The following ST3GAL3 variants were observed in gnomAD, a reference collection of about 807,000 sequenced individuals.
The protein encoded by ST3GAL3 is CMP-N-acetylneuraminate-beta-1,4-galactoside alpha-2,3-sialyltransferase.
Under a neutral mutation model 50.1 loss-of-function variants are expected in ST3GAL3, and 21 were observed. That is an observed-to-expected ratio of 0.42 (90% confidence interval 0.30 to 0.60). ST3GAL3 has a LOEUF of 0.60. Among genes scored for constraint, ST3GAL3 ranks in the 20% least tolerant of loss-of-function variants. The pLI, the probability that ST3GAL3 is intolerant of heterozygous loss-of-function variation, is 0.19. For synonymous variants in ST3GAL3, 183 were observed against 190.0 expected, an observed-to-expected ratio of 0.96 and a Z score of 0.30; for missense variants, 353 against 489.4, an observed-to-expected ratio of 0.72 and a Z score of 2.63.
chr1:43,722,213 C>T (rs1043235230), intron 1 of ST3GAL3, among the ~76,000 whole-genome samples: 41 of 152,058 alleles, frequency 2.7e-4, no homozygotes, highest in Non-Finnish European at 3.2e-4. Context: ...TAAGAGTTGG[C>T]TAGATGAAGT....
At chr1:43,859,803 G>C (rs187613759) in intron 5 of ST3GAL3, among the ~76,000 whole-genome samples, 1 of 152,298 alleles carries the variant, frequency 6.6e-6, no homozygotes, top group Non-Finnish European at 1.5e-5. Flanking sequence ...CACTGGCCTT[G>C]CTCCCATGTG....
At chr1:43,738,211 G>C (rs998016210) in intron 2 of ST3GAL3, 2 of 152,212 alleles carry the variant, frequency 1.3e-5, no homozygotes, top group African/African-American at 4.8e-5. Context: ...AAAGAAGACA[G>C]AGAGGCTTAT....
intron 5 of ST3GAL3, among the ~76,000 whole-genome samples, chr1:43,874,520 T>C (rs1000040100): frequency 3.3e-5 from 5 of 152,226 alleles, no homozygotes; most frequent in African/African-American, 9.6e-5. Flanking sequence ...TTTTAAAACC[T>C]TAAAAAAGAA....
chr1:43,759,065 G>GCGCACACACACACACACACA lies in ST3GAL3; in HGVS notation c.118+22686_118+22687insGCACACACACACACACACAC, dbSNP rs60386464. On this transcript the variant is annotated intron_variant, in intron 2 of 11. Transcript: ENST00000347631. Reference sequence around the variant, plus strand: ...TCCTAAAAAACAAACAAAAGCGCGCGCACACACACACACACACACACACAC... The same window carrying GCGCACACACACACACACACA: ...TCCTAAAAAACAAACAAAAGCGCGCGCGCACACACACACACACACACACACACACACACACACACACACAC... Among the ~76,000 whole-genome samples, 55 of 75,446 alleles carry GCGCACACACACACACACACA rather than the reference G, an allele frequency of 7.3e-4. 1 individual carries two copies. Among genetic ancestry groups the GCGCACACACACACACACACA allele is most frequent in the African/African-American group, 1.9e-3 (49 of 25,238 alleles). The allele number at this position is 75,446 out of a possible 152,430, so 49.5% of individuals were successfully genotyped here.
chr1:43,807,718 G>C (rs1027276301), intron 3 of ST3GAL3, among the ~76,000 whole-genome samples: 2 of 152,296 alleles, frequency 1.3e-5, no homozygotes, highest in African/African-American at 4.8e-5. Flanking sequence ...ATGGAGAAAA[G>C]TAAGTAGATT....
intron 2 of ST3GAL3, among the ~76,000 whole-genome samples, chr1:43,756,354 T>G (rs1331617477): frequency 6.6e-6 from 1 of 152,108 alleles, no homozygotes; most frequent in African/African-American, 2.4e-5. Context: ...AAAATTTTTT[T>G]GGGATCAGTG....
At position 43,743,854 on chromosome 1, in the gene ST3GAL3, C is replaced by A. The variant is rs113181765; in HGVS notation, c.118+7474C>A. 5.5e-3 allele frequency: 809 copies of A among 147,640 alleles called. 19 individuals carry two copies. The highest frequency in any genetic ancestry group is 0.02 in the African/African-American group (751 of 36,752). The allele number at this position is 147,640 out of a possible 1,614,324, so 9.1% of individuals were successfully genotyped here. Reference sequence around the variant, plus strand: ...CTCTATTCTTTCATTCCCCCCCCCCCCATTCCTATATTACATGTAGAGTAA... The same window carrying A: ...CTCTATTCTTTCATTCCCCCCCCCCACATTCCTATATTACATGTAGAGTAA... On this transcript the variant is annotated intron_variant, in intron 2 of 11. Coordinates refer to ENST00000347631, the MANE Select transcript of ST3GAL3 (RefSeq NM_006279.5).
chr1:43,743,580 A>G, intron 2 of ST3GAL3: 1 of 379,338 alleles, frequency 2.6e-6, no homozygotes, highest in Non-Finnish European at 5.3e-6. Context: ...ATTGTGAATG[A>G]GAGGGTCTGT....
At chr1:43,743,540 A>C in intron 2 of ST3GAL3, 4 of 420,772 alleles carry the variant, frequency 9.5e-6, no homozygotes, top group South Asian at 1.7e-5. Context: ...ATTAAGAGGG[A>C]TACACCATTT....
At chr1:43,844,712 A>G (rs1007043962) in intron 5 of ST3GAL3, among the ~76,000 whole-genome samples, 2 of 152,100 alleles carry the variant, frequency 1.3e-5, no homozygotes, top group Admixed American at 1.3e-4. Context: ...CTGTAGTCCC[A>G]GCTACTCTGG....
intron 5 of ST3GAL3, among the ~76,000 whole-genome samples, chr1:43,875,248 T>C (rs2906456): frequency 0.91 from 137,948 of 152,228 alleles, 62,735 homozygotes; most frequent in African/African-American, 0.97. Flanking sequence ...AGTTTAGCTA[T>C]GACAGCAGGT....
At chr1:43,753,461 A>G (rs1051205032) in intron 2 of ST3GAL3, among the ~76,000 whole-genome samples, 1 of 152,194 alleles carries the variant, frequency 6.6e-6, no homozygotes, top group African/African-American at 2.4e-5. Context: ...AAAGACTTGC[A>G]TTTTTGGATC....
At position 43,894,611 on chromosome 1, in the gene ST3GAL3, A is replaced by C. The variant is rs1570858599; in HGVS notation, c.397+134A>C. ...CCTCTACTCTCAACAAATCTTCTCT[A>C]CCTTTTTCCCTTCCTTTTTTTGTTT... On this transcript the variant is annotated intron_variant, in intron 6 of 11. Transcript: ENST00000347631. The C allele has an allele frequency of 1.0e-5, 8 of 794,412 alleles. No individual in the cohort carries two copies. In the Admixed American group the frequency reaches 1.1e-4, roughly 11 times the overall value. 49.2% of individuals were successfully genotyped at this position (794,412 alleles called of 1,614,324 possible).
intron 9 of ST3GAL3, among the ~76,000 whole-genome samples, chr1:43,915,407 G>A (rs540124798): frequency 2.0e-5 from 3 of 152,182 alleles, no homozygotes; most frequent in Admixed American, 6.5e-5. Context: ...AGCTAAATAC[G>A]CGTGATGTCC....
intron 2 of ST3GAL3, chr1:43,771,734 GTGTGT>G: frequency 4.2e-4 from 21 of 50,044 alleles, no homozygotes; most frequent in Non-Finnish European, 1.1e-3. Context: ...ATAAAGTTGT[GTGTGT>G]GTGTGTGTGT....
chr1:43,916,665 C>T (rs1347826231), intron 9 of ST3GAL3: 1 of 152,138 alleles, frequency 6.6e-6, no homozygotes, highest in Non-Finnish European at 1.5e-5. Flanking sequence ...TCACTGCAGC[C>T]TAGAATTCCT....
At chr1:43,835,992 G>A (rs1165409662) in intron 4 of ST3GAL3, among the ~76,000 whole-genome samples, 1 of 152,206 alleles carries the variant, frequency 6.6e-6, no homozygotes, top group African/African-American at 2.4e-5. Flanking sequence ...GCAGTGCCCT[G>A]TTAAGAGTTC....
In ST3GAL3 at chr1:43,746,929, A is replaced by G. The variant is rs112225150; in HGVS notation, c.118+10549A>G. Among the ~76,000 whole-genome samples the G allele has an allele frequency of 5.5e-3, 809 of 147,832 alleles. 15 individuals carry two copies. The highest frequency in any genetic ancestry group is 0.019 in the African/African-American group (749 of 39,938). ...AGGCATGTGCTACCATGCCTGACTA[A>G]TTTTTTTTGGTTGTTTAGTAGAGAC... On this transcript the variant is annotated intron_variant, in intron 2 of 11. Coordinates refer to ENST00000347631, the MANE Select transcript of ST3GAL3 (RefSeq NM_006279.5).
chr1:43,895,946 C>T (rs925469722), intron 6 of ST3GAL3, among the ~76,000 whole-genome samples: 2 of 152,170 alleles, frequency 1.3e-5, no homozygotes, highest in Non-Finnish European at 2.9e-5. Flanking sequence ...GAAAACAAAG[C>T]CCAATCCATA....
Sources: gnomAD v4.1 joint callset for allele counts (sites outside exome capture counted in the v4.1 genomes callset) on GRCh38, gnomAD v4.1.1 for gene constraint, MANE v1.5 for transcripts, NCBI Gene and HGNC (gene_info 2026-07-23, HGNC 2026-07-21) for gene names.